The following ZNF536 variants were observed in gnomAD, a reference collection of about 807,000 sequenced individuals.
The protein encoded by ZNF536 is zinc finger protein 536.
ZNF536 carries 13 observed loss-of-function variants against 84.5 expected under a neutral mutation model. The observed-to-expected ratio is 0.15, with a 90% CI of 0.10 to 0.24. ZNF536 has a LOEUF of 0.24. Among genes scored for constraint, ZNF536 ranks in the 10% least tolerant of loss-of-function variants. The pLI is 1.00. For missense variants in ZNF536, 1,536 were observed against 1,747.5 expected, an observed-to-expected ratio of 0.88 and a Z score of 2.16; for synonymous variants, 811 against 742.5, an observed-to-expected ratio of 1.09 and a Z score of -1.50.
At chr19:30,540,933 C>T (rs2045304486) in intron 3 of ZNF536, among the ~76,000 whole-genome samples, 1 of 152,198 alleles carries the variant, frequency 6.6e-6, no homozygotes, top group African/African-American at 2.4e-5. Context: ...GCTTCCTTGG[C>T]CCCACGTGCT....
chr19:30,427,861 A>G (rs1453978368), intron 1 of ZNF536, among the ~76,000 whole-genome samples: 1 of 152,188 alleles, frequency 6.6e-6, no homozygotes, highest in Non-Finnish European at 1.5e-5. Flanking sequence ...ACATGAGACG[A>G]TGGAGGAAGT....
chr19:30,673,109 C>T (rs1262649097), intron 1 of ZNF536, among the ~76,000 whole-genome samples: 1 of 152,188 alleles, frequency 6.6e-6, no homozygotes, highest in Non-Finnish European at 1.5e-5. Context: ...TCCAGTGCCC[C>T]TGTCACATGA....
chr19:30,313,576 C>A (rs1224547082), intron 2 of ZNF536, among the ~76,000 whole-genome samples: 2 of 152,204 alleles, frequency 1.3e-5, no homozygotes, highest in Non-Finnish European at 2.9e-5. Flanking sequence ...CTCACCCTCA[C>A]CCCATGACCT....
intron 1 of ZNF536, among the ~76,000 whole-genome samples, chr19:30,664,935 A>G (rs2050261417): frequency 6.6e-6 from 1 of 152,244 alleles, no homozygotes; most frequent in South Asian, 2.1e-4. Context: ...TCCTATAAAT[A>G]GGTCACAATA....
chr19:30,696,315 A>G (rs1418470840), intron 1 of ZNF536, among the ~76,000 whole-genome samples: 1 of 152,190 alleles, frequency 6.6e-6, no homozygotes, highest in African/African-American at 2.4e-5. Flanking sequence ...CAGCACTTCC[A>G]GGCCAGCGCC....
chr19:30,702,728 C>T (rs1167597914), intron 1 of ZNF536, among the ~76,000 whole-genome samples: 1 of 152,190 alleles, frequency 6.6e-6, no homozygotes, highest in Admixed American at 6.5e-5. Flanking sequence ...TGTGCCTGGG[C>T]TCAGGTGTGC....
chr19:30,535,723 T>TA (rs368243442), intron 3 of ZNF536, among the ~76,000 whole-genome samples: 4,192 of 147,130 alleles, frequency 0.028, 196 homozygotes, highest in African/African-American at 0.097. Flanking sequence ...ATTGCCAATA[T>TA]AAAAAAAAAA....
intron 1 of ZNF536, among the ~76,000 whole-genome samples, chr19:30,426,204 C>T (rs1327838161): frequency 6.6e-6 from 1 of 152,194 alleles, no homozygotes; most frequent in South Asian, 2.1e-4. Flanking sequence ...CTATTAAAAA[C>T]CTGCTACTGA....
intron 3 of ZNF536, among the ~76,000 whole-genome samples, chr19:30,540,024 G>T (rs1366014815): frequency 6.6e-6 from 1 of 152,222 alleles, no homozygotes; most frequent in African/African-American, 2.4e-5. Context: ...CGAGTTCTGT[G>T]AGTGGTTTAT....
At chr19:30,379,613 C>A (rs76411155) in intron 1 of ZNF536, among the ~76,000 whole-genome samples, 2,221 of 149,206 alleles carry the variant, frequency 0.015, 15 homozygotes, top group Non-Finnish European at 0.024. Context: ...AGGGGTGGGG[C>A]TTGAGGGTAG....
intron 1 of ZNF536, among the ~76,000 whole-genome samples, chr19:30,282,774 A>G (rs1026949632): frequency 2.0e-5 from 3 of 152,170 alleles, no homozygotes; most frequent in African/African-American, 7.2e-5. Context: ...GACACGGGGA[A>G]AAAAACAAAA....
At chr19:30,602,419 G>A (rs573687129) in intron 1 of ZNF536, among the ~76,000 whole-genome samples, 289 of 152,346 alleles carry the variant, frequency 1.9e-3, no homozygotes, top group Non-Finnish European at 3.0e-3. Context: ...TCTGTGCTGC[G>A]TGGATACAAC....
chr19:30,294,293 A>T (rs1363335742), intron 2 of ZNF536, among the ~76,000 whole-genome samples: 1 of 152,144 alleles, frequency 6.6e-6, no homozygotes, highest in Non-Finnish European at 1.5e-5. Context: ...CCCTACCCCC[A>T]AGTCATTTTT....
At chr19:30,524,349 A>G (rs1028800950) in intron 2 of ZNF536, among the ~76,000 whole-genome samples, 1 of 152,242 alleles carries the variant, frequency 6.6e-6, no homozygotes, top group Non-Finnish European at 1.5e-5. Context: ...GATGACTTTT[A>G]CAATAATTGG....
At chr19:30,345,341 A>G (rs1019937) in intron 2 of ZNF536, among the ~76,000 whole-genome samples, 94,876 of 152,170 alleles carry the variant, frequency 0.62, 30,356 homozygotes, top group East Asian at 0.81. Flanking sequence ...TTCCTCTTTG[A>G]ACCAGCTATG....
intron 2 of ZNF536, among the ~76,000 whole-genome samples, chr19:30,450,804 C>T (rs34468110): frequency 6.6e-6 from 1 of 152,176 alleles, no homozygotes; most frequent in Non-Finnish European, 1.5e-5. Context: ...AAGGTTCCCC[C>T]TACGCCTCCC....
chr19:30,484,384 G>A (rs1344744966), intron 2 of ZNF536, among the ~76,000 whole-genome samples: 1 of 144,174 alleles, frequency 6.9e-6, no homozygotes, highest in Non-Finnish European at 1.5e-5. Flanking sequence ...CCACCGTCAT[G>A]CCCAGCTTTT....
At chr19:30,467,596 C>T (rs2053468607) in intron 2 of ZNF536, among the ~76,000 whole-genome samples, 1 of 152,172 alleles carries the variant, frequency 6.6e-6, no homozygotes, top group South Asian at 2.1e-4. Context: ...TCTCTGCCTC[C>T]CTTCCCCTGC....
intron 1 of ZNF536, among the ~76,000 whole-genome samples, chr19:30,581,503 G>A (rs533295656): frequency 3.9e-4 from 60 of 152,062 alleles, no homozygotes; most frequent in African/African-American, 1.4e-3. Flanking sequence ...AAAAGTTACA[G>A]TTGCTTGTGG....
Sources: allele counts gnomAD v4.1 joint callset (sites outside exome capture counted in the v4.1 genomes callset), GRCh38; gene constraint gnomAD v4.1.1; transcripts MANE v1.5; gene names NCBI Gene and HGNC (gene_info 2026-07-23, HGNC 2026-07-21).